The following VPS13D variants were observed in gnomAD, a reference collection of about 807,000 sequenced individuals.
VPS13D encodes the protein intermembrane lipid transfer protein VPS13D.
A neutral mutation model predicts 461.9 loss-of-function variants in VPS13D; 187 were observed. The ratio of observed to expected loss-of-function variants is 0.40; its 90% CI spans 0.36 to 0.46. The LOEUF (loss-of-function observed/expected upper bound fraction) is 0.46, where lower values mean the gene tolerates loss of function less well. Ranked by LOEUF, VPS13D falls within the 20% of genes least tolerant of loss-of-function variation. The pLI, the probability that VPS13D is intolerant of heterozygous loss-of-function variation, is 0.60. For missense variants in VPS13D, 4,711 were observed against 5,364.9 expected (o/e 0.88, Z 3.81); for synonymous variants, 1,951 against 1,986.3 (o/e 0.98, Z 0.47).
chr1:12,364,925 G>A (rs1274036066), intron 52 of VPS13D, among the ~76,000 whole-genome samples: 1 of 152,034 alleles, frequency 6.6e-6, no homozygotes, highest in Non-Finnish European at 1.5e-5. Context: ...ATTTGTTTTG[G>A]GTTAATGTTT....
chr1:12,426,069 A>G (rs535029347), intron 65 of VPS13D, among the ~76,000 whole-genome samples: 2 of 152,348 alleles, frequency 1.3e-5, no homozygotes, highest in African/African-American at 2.4e-5. Flanking sequence ...AATCTTTACT[A>G]TCTGGAAATC....
Position 12,276,179 on chromosome 1 carries a change from A to G in VPS13D, c.2591A>G (p.Tyr864Cys). The change falls in exon 19 of 70, where the codon TAT (tyrosine) becomes TGT (cysteine). Residue 864 changes from tyrosine (Y) to cysteine (C), a missense_variant. Physicochemically the swap from Tyr to Cys is radical, Grantham distance 194. This residue lies in a region of VPS13D where 4,411 missense variants were observed against 4,937.8 expected (regional missense o/e 0.89). Coordinates refer to ENST00000620676, the MANE Select transcript of VPS13D (RefSeq NM_015378.4). This position sits in a 1 kb window ranked among gnomAD's most constrained non-coding sequence, Gnocchi z 4.5. ...CTACAGTTAGAGCGTCGATTGATTT[A>G]TACTTCAGATCCCAAATATCCAGGA... ...VHLQLERRLI[Y>C]TSDPKYPGAV... 2.5e-6 allele frequency: 4 copies of G among 1,614,184 alleles called. No individual in the cohort carries two copies. Among genetic ancestry groups the G allele is most frequent in the Non-Finnish European group, 3.4e-6 (4 of 1,180,026 alleles).
Position 12,279,470 on chromosome 1 carries a change from GGT to G in VPS13D, c.4451-28_4451-27del. 1 of 1,572,318 alleles carries G rather than the reference GGT, an allele frequency of 6.4e-7. No homozygotes were observed. On this transcript the variant is annotated intron_variant, in intron 19 of 69. Transcript: ENST00000620676. This position sits in a 1 kb window ranked among gnomAD's most constrained non-coding sequence, Gnocchi z 4.3. Reference sequence around the variant, plus strand: ...TAATGAAGTAAATATTAAGGTTTATGGTCTATCATTTCATCTCTTTTATGCCA... The same window carrying G: ...TAATGAAGTAAATATTAAGGTTTATGCTATCATTTCATCTCTTTTATGCCA...
At position 12,490,478 on chromosome 1, in the gene VPS13D, G is replaced by A. The variant is rs185803478; in HGVS notation, c.12663-7022G>A. The stretch of plus-strand genomic sequence containing the variant: ...TCTCTGATTACAGTTTGCACTGAAA[G>A]GAGTAAAATCTGTTTATGGAGAAGA... On this transcript the variant is annotated intron_variant, in intron 67 of 69. Transcript: ENST00000620676. Among the ~76,000 whole-genome samples the A allele has an allele frequency of 5.9e-3, 903 of 152,324 alleles. 6 individuals carry two copies. Among genetic ancestry groups the A allele is most frequent in the Non-Finnish European group, 8.1e-3 (548 of 68,028 alleles).
intron 26 of VPS13D, among the ~76,000 whole-genome samples, 199 bp from the exon 27 acceptor site, chr1:12,308,232 G>C (rs1382587373): frequency 1.3e-5 from 2 of 152,134 alleles, no homozygotes; most frequent in African/African-American, 4.8e-5. Flanking sequence ...CGAGCACATG[G>C]AGCTTTGCAT....
At position 12,282,807 on chromosome 1, in the gene VPS13D, C is replaced by G. The variant is rs1394815721; in HGVS notation, c.4705C>G (p.Pro1569Ala). 1 of 1,614,122 alleles carries G rather than the reference C, an allele frequency of 6.2e-7. No homozygotes were observed. The highest frequency in any genetic ancestry group is 1.7e-5 in the Admixed American group (1 of 60,018). Residue 1569 changes from proline (P) to alanine (A), a missense_variant, in exon 21 of 70, where the codon CCT becomes GCT. Transcript: ENST00000620676. The part of the protein sequence containing the change: ...NKYPASATSS[P>A]CPDSPLPPLS... ...GTATCCAGCCAGTGCTACCTCCTCC[C>G]CTTGCCCTGATTCTCCTCTGCCTCC... is the stretch of plus-strand genomic sequence containing the variant.
Position 12,279,734 on chromosome 1 carries a change from T to C in VPS13D, c.4602+84T>C, listed in dbSNP as rs1261726327. 3.4e-6 allele frequency: 4 copies of C among 1,182,422 alleles called. No individual in the cohort carries two copies. Among genetic ancestry groups the C allele is most frequent in the Non-Finnish European group, 1.1e-6 (1 of 885,784 alleles). 73.2% of individuals were successfully genotyped at this position (1,182,422 alleles called of 1,614,324 possible). On this transcript the variant is annotated intron_variant, in intron 20 of 69. Coordinates refer to ENST00000620676, the MANE Select transcript of VPS13D (RefSeq NM_015378.4). This position sits in a 1 kb window ranked among gnomAD's most constrained non-coding sequence, Gnocchi z 4.3. ...ATATATATTTATGTATATTACATGT[T>C]GGAAGGAATATATATTTTCAAAGAT...
chr1:12,293,395 C>T (rs1642187058), intron 23 of VPS13D, 129 bp from the exon 24 acceptor site: 1 of 855,510 alleles, frequency 1.2e-6, no homozygotes, highest in Admixed American at 3.1e-5. Context: ...CTTTGTAAAG[C>T]CTAATTTTGG....
chr1:12,384,292 G>A (rs577244113), intron 58 of VPS13D, among the ~76,000 whole-genome samples: 1 of 152,280 alleles, frequency 6.6e-6, no homozygotes, highest in South Asian at 2.1e-4. Context: ...TGAGGGAGAG[G>A]AAGGAGTCAG....
chr1:12,376,885 C>A (rs868707934), intron 55 of VPS13D, among the ~76,000 whole-genome samples: 1 of 152,032 alleles, frequency 6.6e-6, no homozygotes, highest in African/African-American at 2.4e-5. Context: ...AGCAGTTAAG[C>A]GTGCTGACTC....
chr1:12,449,603 CTG>C (rs1246576567), intron 65 of VPS13D, among the ~76,000 whole-genome samples: 4 of 152,114 alleles, frequency 2.6e-5, no homozygotes, highest in African/African-American at 9.7e-5. Flanking sequence ...TACTTTTTAA[CTG>C]TGGATATTTT....
chr1:12,439,693 G>T (rs1449660846), intron 65 of VPS13D, among the ~76,000 whole-genome samples: 2 of 152,172 alleles, frequency 1.3e-5, no homozygotes, highest in African/African-American at 4.8e-5. Context: ...CCAGCCCTTA[G>T]AACAGTGCCT....
chr1:12,363,867 C>T (rs1269814445), intron 52 of VPS13D, among the ~76,000 whole-genome samples: 1 of 142,634 alleles, frequency 7.0e-6, no homozygotes, highest in Admixed American at 7.5e-5. Flanking sequence ...GCAGGAGAAT[C>T]GCCTGAATCG....
At chr1:12,247,575 G>A (rs767628303) in intron 5 of VPS13D, among the ~76,000 whole-genome samples, 1 of 152,054 alleles carries the variant, frequency 6.6e-6, no homozygotes, top group Non-Finnish European at 1.5e-5. Flanking sequence ...GGTGTGAAAT[G>A]ATGATCTTGC....
intron 67 of VPS13D, among the ~76,000 whole-genome samples, chr1:12,481,520 GA>G (rs1645716644): frequency 6.6e-6 from 1 of 152,214 alleles, no homozygotes; most frequent in Non-Finnish European, 1.5e-5. Context: ...CAAGTGCTCT[GA>G]AGGTTTGGTG....
Position 12,386,345 on chromosome 1 carries a change from A to G in VPS13D, c.11634+11A>G, listed in dbSNP as rs200895129. 1.6e-5 allele frequency: 25 copies of G among 1,589,230 alleles called. No individual in the cohort carries two copies. The highest frequency in any genetic ancestry group is 3.3e-4 in the Middle Eastern group (2 of 6,008). ...ATACAGGATGTACAGGTAAGGGGGAAGTTCCAAAGCTGTTAGTCACCTTGT... is the reference window on the plus strand; with the variant it reads ...ATACAGGATGTACAGGTAAGGGGGAGGTTCCAAAGCTGTTAGTCACCTTGT... On this transcript the variant is annotated intron_variant, in intron 60 of 69. Transcript: ENST00000620676.
intron 63 of VPS13D, among the ~76,000 whole-genome samples, chr1:12,410,836 G>T (rs922738289): frequency 3.3e-5 from 5 of 152,058 alleles, no homozygotes. Context: ...GATAAATTTG[G>T]TATTTTACCA....
chr1:12,506,888 T>C lies in VPS13D; in HGVS notation c.12830T>C (p.Val4277Ala), dbSNP rs1280364580. 6.2e-7 allele frequency: 1 copy of C among 1,614,266 alleles called. No homozygotes were observed. The highest frequency in any genetic ancestry group is 1.7e-5 in the Admixed American group (1 of 60,036). Reference protein sequence around the residue: ...IAVENIDSYCVLISSKAVYFL... With the variant: ...IAVENIDSYCALISSKAVYFL... ...GTGGAGAACATTGACAGCTACTGCG[T>C]GCTCATCTCCTCCAAAGCTGTTTAC... is the stretch of plus-strand genomic sequence containing the variant. The change falls in exon 69 of 70, where the codon GTG becomes GCG. Residue 4277 changes from valine (V) to alanine (A), a missense_variant. This residue lies in a region of VPS13D where 194 missense variants were observed against 220.9 expected (regional missense o/e 0.88). Transcript: ENST00000620676.
chr1:12,394,611 G>A (rs1334475507), intron 60 of VPS13D, among the ~76,000 whole-genome samples: 1 of 152,164 alleles, frequency 6.6e-6, no homozygotes, highest in Non-Finnish European at 1.5e-5. Flanking sequence ...TTACAAATCT[G>A]TTCCGCAAGG....
Sources: gnomAD v4.1 joint callset for allele counts (sites outside exome capture counted in the v4.1 genomes callset) on GRCh38, gnomAD v4.1.1 for gene constraint, gnomAD v4.1.1 regional missense constraint, Gnocchi (gnomAD v3.1) non-coding constraint, MANE v1.5 for transcripts, NCBI Gene and HGNC (gene_info 2026-07-23, HGNC 2026-07-21) for gene names.